The following AP3B1 variants were observed in gnomAD, a reference collection of about 807,000 sequenced individuals.
AP3B1 encodes the protein AP-3 complex subunit beta-1.
Under a neutral mutation model 132.5 loss-of-function variants are expected in AP3B1, and 61 were observed. The observed-to-expected ratio is 0.46, with a 90% CI of 0.37 to 0.57. The LOEUF (loss-of-function observed/expected upper bound fraction) is 0.57, where lower values mean the gene tolerates loss of function less well. AP3B1 is among the 20% of genes least tolerant of loss of function. The pLI, the probability that AP3B1 is intolerant of heterozygous loss-of-function variation, is 0.00. For missense variants in AP3B1, 1,120 were observed against 1,289.4 expected (o/e 0.87, Z 2.01); for synonymous variants, 388 against 438.3 (o/e 0.89, Z 1.43).
intron 22 of AP3B1, among the ~76,000 whole-genome samples, chr5:78,055,357 C>T (rs1018347686): frequency 1.2e-4 from 19 of 152,064 alleles, no homozygotes; most frequent in Admixed American, 6.6e-4. Flanking sequence ...GGCAGTGGTA[C>T]GAAGGAAAAC....
intron 15 of AP3B1, among the ~76,000 whole-genome samples, chr5:78,138,969 CAAAAAAAAA>C (rs34427836): frequency 2.5e-5 from 1 of 39,464 alleles, no homozygotes; most frequent in Admixed American, 3.6e-4. Flanking sequence ...AACTCTGTCT[CAAAAAAAAA>C]AAAAAAAAAA....
At chr5:78,281,250 C>T (rs10069777) in intron 1 of AP3B1, among the ~76,000 whole-genome samples, 34,175 of 151,862 alleles carry the variant, frequency 0.23, 4,490 homozygotes, top group Middle Eastern at 0.31. Flanking sequence ...TCCTGACCAA[C>T]ATGGCAAAAC....
At chr5:78,242,124 C>T (rs974449968) in intron 2 of AP3B1, among the ~76,000 whole-genome samples, 1 of 152,192 alleles carries the variant, frequency 6.6e-6, no homozygotes, top group African/African-American at 2.4e-5. Flanking sequence ...ATTTCAAAAG[C>T]TTCTGACTGT....
At chr5:78,097,818 T>C (rs1266735465) in intron 21 of AP3B1, among the ~76,000 whole-genome samples, 5 of 152,168 alleles carry the variant, frequency 3.3e-5, no homozygotes, top group Admixed American at 2.0e-4. Flanking sequence ...ATGACAATGG[T>C]GGTTTTGTGG....
chr5:78,097,688 C>T (rs1337651854), intron 21 of AP3B1, among the ~76,000 whole-genome samples: 38 of 150,938 alleles, frequency 2.5e-4, no homozygotes, highest in Non-Finnish European at 4.4e-4. Flanking sequence ...CCAGCCGCCT[C>T]GTCCAGGAGG....
rs550022626 is a variant in AP3B1, at chr5:78,174,105, ACCTT to A, written c.1167+1517_1167+1520del. Among the ~76,000 whole-genome samples the A allele has an allele frequency of 4.5e-3, 681 of 152,188 alleles. 4 individuals carry two copies. The highest frequency in any genetic ancestry group is 5.4e-3 in the Non-Finnish European group (364 of 68,010). On this transcript the variant is annotated intron_variant, in intron 11 of 26. Transcript: ENST00000255194. ...TGTCTAACCTTTTTTCAAGGTTTTT[ACCTT>A]CCTTGAGATGGGTTTGAACATGCTC...
In AP3B1 at chr5:78,180,984, T is replaced by C. The variant is rs1744341729; in HGVS notation, c.942+523A>G. Among the ~76,000 whole-genome samples, 8 of 152,066 alleles carry C rather than the reference T, an allele frequency of 5.3e-5. No homozygotes were observed. The South Asian group carries it at 1.7e-3, about 31-fold the overall frequency. On this transcript the variant is annotated intron_variant, in intron 8 of 26. Transcript: ENST00000255194. ...CCAAATAAAGATGATTTTTAATTACTATTACTGCCAATTTACATTTATAAT... is the reference window on the plus strand; with the variant it reads ...CCAAATAAAGATGATTTTTAATTACCATTACTGCCAATTTACATTTATAAT...
At chr5:78,200,702 A>G (rs989965931) in intron 7 of AP3B1, among the ~76,000 whole-genome samples, 1 of 152,176 alleles carries the variant, frequency 6.6e-6, no homozygotes, top group Non-Finnish European at 1.5e-5. Flanking sequence ...GAATACCACT[A>G]AGAGAACTCA....
At chr5:78,246,398 C>A (rs1315823434) in intron 2 of AP3B1, among the ~76,000 whole-genome samples, 1 of 152,074 alleles carries the variant, frequency 6.6e-6, no homozygotes, top group Non-Finnish European at 1.5e-5. Flanking sequence ...GTTTTCAGAC[C>A]AGGATAGCAC....
chr5:78,058,999 T>C (rs1748932553), intron 22 of AP3B1, among the ~76,000 whole-genome samples: 1 of 152,222 alleles, frequency 6.6e-6, no homozygotes, highest in Admixed American at 6.5e-5. Context: ...CAAAGATGTC[T>C]AGGTCCTAAT....
chr5:78,083,904 G>C (rs1750121463), intron 22 of AP3B1, among the ~76,000 whole-genome samples: 1 of 151,830 alleles, frequency 6.6e-6, no homozygotes, highest in South Asian at 2.1e-4. Flanking sequence ...TTTGTTAATT[G>C]AAAAAATCTA....
At chr5:78,177,750 A>G (rs1232034338) in intron 8 of AP3B1, among the ~76,000 whole-genome samples, 1 of 152,158 alleles carries the variant, frequency 6.6e-6, no homozygotes, top group Non-Finnish European at 1.5e-5. Flanking sequence ...GGACAAAAAG[A>G]GACACCGTGA....
At chr5:78,012,405 ATG>A (rs1246387903) in intron 26 of AP3B1, among the ~76,000 whole-genome samples, 1 of 152,198 alleles carries the variant, frequency 6.6e-6, no homozygotes, top group African/African-American at 2.4e-5. Flanking sequence ...AGCAAAAAGA[ATG>A]AGAAAAAGTG....
At chr5:78,097,828 G>A (rs1466334228) in intron 21 of AP3B1, among the ~76,000 whole-genome samples, 3 of 152,252 alleles carry the variant, frequency 2.0e-5, no homozygotes, top group Non-Finnish European at 4.4e-5. Context: ...TGGTTTTGTG[G>A]AATAGAAAGC....
At chr5:78,055,476 G>A (rs1748771504) in intron 22 of AP3B1, among the ~76,000 whole-genome samples, 1 of 152,190 alleles carries the variant, frequency 6.6e-6, no homozygotes, top group Non-Finnish European at 1.5e-5. Context: ...TGAGGAGTCA[G>A]TGTGACACTG....
Position 78,110,277 on chromosome 5 carries a change from T to C in AP3B1, c.2327A>G (p.Glu776Gly), listed in dbSNP as rs566764109. ...DSSNDESSSI[E>G]DSSSDSESES... Reference sequence around the variant, plus strand: ...TGATTCAGAATCGGAAGAACTGTCTTCTATTGAACTAGATTCGTCATTTGA... The same window carrying C: ...TGATTCAGAATCGGAAGAACTGTCTCCTATTGAACTAGATTCGTCATTTGA... The change falls in exon 20 of 27, where the codon GAA becomes GGA. Residue 776 changes from glutamate to glycine, a missense_variant. Transcript: ENST00000255194. 6.2e-7 allele frequency: 1 copy of C among 1,609,490 alleles called. No homozygotes were observed.
At chr5:78,083,368 C>T (rs923616331) in intron 22 of AP3B1, among the ~76,000 whole-genome samples, 3 of 152,252 alleles carry the variant, frequency 2.0e-5, no homozygotes, top group African/African-American at 7.2e-5. Context: ...ATTTAAAGCA[C>T]AACAGATCAA....
intron 17 of AP3B1, among the ~76,000 whole-genome samples, chr5:78,121,152 A>G (rs887942464): frequency 3.6e-4 from 55 of 152,308 alleles, no homozygotes; most frequent in African/African-American, 1.3e-3. Flanking sequence ...CAACGAGAAC[A>G]AAGACACCAC....
At chr5:78,039,303 A>G in intron 22 of AP3B1, 29 bp from the exon 23 acceptor site, 1 of 1,515,732 alleles carries the variant, frequency 6.6e-7, no homozygotes, top group Non-Finnish European at 9.2e-7. Context: ...AGAAAAAAAG[A>G]TGAGTTAGTG....
Sources: allele counts gnomAD v4.1 joint callset (sites outside exome capture counted in the v4.1 genomes callset), GRCh38; gene constraint gnomAD v4.1.1; transcripts MANE v1.5; gene names NCBI Gene and HGNC (gene_info 2026-07-23, HGNC 2026-07-21).